Variants in ABCC5 observed in about 807,000 individuals in gnomAD.
The protein encoded by ABCC5 is ATP-binding cassette sub-family C member 5.
In ABCC5, 61 loss-of-function variants were observed where a neutral mutation model predicts 160.9. That is an observed-to-expected ratio of 0.38 (90% confidence interval 0.31 to 0.47). The LOEUF is 0.47. Ranked by LOEUF, ABCC5 falls within the 20% of genes least tolerant of loss-of-function variation. The pLI is 0.99. For synonymous variants in ABCC5, 666 were observed against 700.6 expected, an observed-to-expected ratio of 0.95 and a Z score of 0.78; for missense variants, 1,308 against 1,813.3, an observed-to-expected ratio of 0.72 and a Z score of 5.06.
In ABCC5 at chr3:183,971,547, G is replaced by A; in HGVS notation, c.1761+16C>T. ...TGGTGGGGTGCGGGCAGGGAGGCAG[G>A]GGGCGGACCACTTACCTCTTGGATC... is the stretch of plus-strand genomic sequence containing the variant. On this transcript the variant is annotated intron_variant, in intron 11 of 29. Transcript: ENST00000334444. The A allele has an allele frequency of 6.8e-6, 11 of 1,608,140 alleles. No homozygotes were observed. Among genetic ancestry groups the A allele is most frequent in the Non-Finnish European group, 9.3e-6 (11 of 1,178,112 alleles).
rs538145070 is a variant in ABCC5 at position 183,991,320 on chromosome 3, A to AAAAC, written c.130-1941_130-1938dup. On this transcript the variant is annotated intron_variant, in intron 2 of 29. Coordinates refer to ENST00000334444, the MANE Select transcript of ABCC5 (RefSeq NM_005688.4). ...TCTAAAAGAAGGAAAAAAAAAACAAAAAACAAACAAACAAACAAAAAAACA... is the reference window on the plus strand; with the variant it reads ...TCTAAAAGAAGGAAAAAAAAAACAAAAAACAAACAAACAAACAAACAAAAAAACA... 2.9e-3 allele frequency among the ~76,000 whole-genome samples: 445 copies of AAAAC among 152,152 alleles called. 2 individuals carry two copies. The highest frequency in any genetic ancestry group is 0.01 in the African/African-American group (420 of 41,496).
At chr3:184,012,313 T>C (rs74438590) in intron 2 of ABCC5, among the ~76,000 whole-genome samples, 1,712 of 152,280 alleles carry the variant, frequency 0.011, 28 homozygotes, top group Middle Eastern at 0.034. Flanking sequence ...TAGCATGGCA[T>C]GCAGAATTTC....
rs1050136848 is a variant in ABCC5, at chr3:183,971,746, C to T, written c.1578G>A (p.Lys526=). Residue 526 remains lysine, a synonymous_variant, in exon 11 of 30, where the codon AAG becomes AAA. Coordinates refer to ENST00000334444, the MANE Select transcript of ABCC5 (RefSeq NM_005688.4). ...GCTGCAGCTGCCTCACCTTCTCTTT[C>T]TTGCCCCTGGAAGCCCTCTTGTCTT... ...MKKDKRASRG[K]KEKVRQLQRT... 6.8e-6 allele frequency: 11 copies of T among 1,614,124 alleles called. No homozygotes were observed. Among genetic ancestry groups the T allele is most frequent in the South Asian group, 1.1e-5 (1 of 91,096 alleles).
At position 184,014,030 on chromosome 3, in the gene ABCC5, G is replaced by A. The variant is rs1414169898; in HGVS notation, c.129+234C>T. Among the ~76,000 whole-genome samples, 4 of 151,922 alleles carry A rather than the reference G, an allele frequency of 2.6e-5. No individual in the cohort carries two copies. The East Asian group carries it at 7.7e-4, about 29-fold the overall frequency. ...TGGGATTATAGGCGCCCGCCACCACGCCTGGCTAATTTTTGTACTTTTAGT... is the reference window on the plus strand; with the variant it reads ...TGGGATTATAGGCGCCCGCCACCACACCTGGCTAATTTTTGTACTTTTAGT... On this transcript the variant is annotated intron_variant, in intron 2 of 29. Transcript: ENST00000334444.
intron 5 of ABCC5, chr3:183,984,428 A>G: frequency 9.9e-7 from 1 of 1,007,832 alleles, no homozygotes. Context: ...TCAGAGCTGA[A>G]TGACAGACAA....
At chr3:183,937,648 C>T (rs1713868593) in intron 26 of ABCC5, among the ~76,000 whole-genome samples, 2 of 152,178 alleles carry the variant, frequency 1.3e-5, no homozygotes, top group Admixed American at 6.5e-5. Context: ...GGAGCAGAGC[C>T]CTGGGCCCAG....
intron 26 of ABCC5, among the ~76,000 whole-genome samples, chr3:183,931,872 T>C (rs1042295445): frequency 2.6e-5 from 4 of 152,232 alleles, no homozygotes; most frequent in Non-Finnish European, 5.9e-5. Flanking sequence ...AGCAAAGTTA[T>C]GCATCCACTT....
At chr3:184,015,912 T>C (rs997309563) in intron 1 of ABCC5, among the ~76,000 whole-genome samples, 5 of 152,212 alleles carry the variant, frequency 3.3e-5, no homozygotes, top group African/African-American at 1.2e-4. Flanking sequence ...AAGGGTTCCC[T>C]AGCTTAGCTG....
chr3:183,928,668 C>T, intron 27 of ABCC5, 79 bp downstream of exon 27: 4 of 1,323,286 alleles, frequency 3.0e-6, no homozygotes, highest in Non-Finnish European at 4.3e-6. Context: ...ACGGCCAGAG[C>T]AGACGGGGTG....
chr3:183,990,131 T>A (rs1237346512), intron 2 of ABCC5, among the ~76,000 whole-genome samples: 1 of 151,746 alleles, frequency 6.6e-6, no homozygotes, highest in Non-Finnish European at 1.5e-5. Flanking sequence ...ATTTTTGAGA[T>A]GGAGTCTCGC....
Position 183,988,067 on chromosome 3 carries a change from G to GA in ABCC5, c.444-151dup, listed in dbSNP as rs1175257677. Reference sequence around the variant, plus strand: ...TATGTACATAGTCTTCACCTTCTGGGAAAAAATACCCTTCCTAGGGAACTA... The same window carrying GA: ...TATGTACATAGTCTTCACCTTCTGGGAAAAAAATACCCTTCCTAGGGAACTA... On this transcript the variant is annotated intron_variant, in intron 4 of 29. Transcript: ENST00000334444. The surrounding 1 kb of genome is among the most constrained non-coding windows in gnomAD (Gnocchi z 4.4). The GA allele has an allele frequency of 2.4e-6, 2 of 845,060 alleles. No homozygotes were observed. Among genetic ancestry groups the GA allele is most frequent in the African/African-American group, 1.7e-5 (1 of 58,662 alleles). 52.3% of individuals were successfully genotyped at this position (845,060 alleles called of 1,614,324 possible).
At position 183,988,378 on chromosome 3, in the gene ABCC5, G is replaced by T. The variant is rs751981407; in HGVS notation, c.443+194C>A. 2.2e-4 allele frequency among the ~76,000 whole-genome samples: 33 copies of T among 152,208 alleles called. No homozygotes were observed. Among genetic ancestry groups the T allele is most frequent in the Non-Finnish European group, 3.7e-4 (25 of 68,032 alleles). Reference sequence around the variant, plus strand: ...AGCGGGGCTGAGAGAGAGAGAGAAAGCCCGTGGTTAAAACAGGATCAAAGG... The same window carrying T: ...AGCGGGGCTGAGAGAGAGAGAGAAATCCCGTGGTTAAAACAGGATCAAAGG... On this transcript the variant is annotated intron_variant, in intron 4 of 29. Coordinates refer to ENST00000334444, the MANE Select transcript of ABCC5 (RefSeq NM_005688.4). This position sits in a 1 kb window ranked among gnomAD's most constrained non-coding sequence, Gnocchi z 4.4.
In ABCC5 at chr3:183,982,715, G is replaced by C; in HGVS notation, c.825+59C>G. 6.2e-7 allele frequency: 1 copy of C among 1,608,276 alleles called. No homozygotes were observed. Among genetic ancestry groups the C allele is most frequent in the East Asian group, 2.2e-5 (1 of 44,818 alleles). Reference sequence around the variant, plus strand: ...ATAAAGGATAAGGCAGGGCCCTAGAGGAATGAACCTCAAGCTAGGAAGTTG... The same window carrying C: ...ATAAAGGATAAGGCAGGGCCCTAGACGAATGAACCTCAAGCTAGGAAGTTG... On this transcript the variant is annotated intron_variant, in intron 6 of 29. Coordinates refer to ENST00000334444, the MANE Select transcript of ABCC5 (RefSeq NM_005688.4). The surrounding 1 kb of genome is among the most constrained non-coding windows in gnomAD (Gnocchi z 5.2).
intron 9 of ABCC5, among the ~76,000 whole-genome samples, chr3:183,977,973 A>C (rs1461247926): frequency 6.6e-6 from 1 of 152,092 alleles, no homozygotes; most frequent in East Asian, 1.9e-4. Flanking sequence ...GGCTGGTCTC[A>C]AACTTCTGAC....
rs1718851760 is a variant in ABCC5, at chr3:183,982,689, G to GATA, written c.826-68_826-66dup. On this transcript the variant is annotated intron_variant, in intron 6 of 29. Transcript: ENST00000334444. This position sits in a 1 kb window ranked among gnomAD's most constrained non-coding sequence, Gnocchi z 5.2. ...CACGGTTCATTTGTCTCAGGAGGAAGATAAAGGATAAGGCAGGGCCCTAGA... is the reference window on the plus strand; with the variant it reads ...CACGGTTCATTTGTCTCAGGAGGAAGATAATAAAGGATAAGGCAGGGCCCTAGA... The GATA allele has an allele frequency of 5.0e-6, 8 of 1,607,972 alleles. No homozygotes were observed. Among genetic ancestry groups the GATA allele is most frequent in the Non-Finnish European group, 6.0e-6 (7 of 1,175,158 alleles).
intron 17 of ABCC5, among the ~76,000 whole-genome samples, chr3:183,959,216 C>T (rs975820075): frequency 3.3e-5 from 5 of 152,118 alleles, no homozygotes; most frequent in African/African-American, 9.7e-5. Context: ...GAAACAGGAT[C>T]AAGGGCTCTG....
chr3:184,009,730 CTTA>C (rs375457034), intron 2 of ABCC5, among the ~76,000 whole-genome samples: 17 of 152,238 alleles, frequency 1.1e-4, no homozygotes, highest in African/African-American at 3.9e-4. Flanking sequence ...AACCTATGGG[CTTA>C]TTGTTGTTGT....
chr3:183,956,183 C>T (rs1560003647), intron 17 of ABCC5, among the ~76,000 whole-genome samples: 3 of 142,132 alleles, frequency 2.1e-5, no homozygotes, highest in East Asian at 2.3e-4. Context: ...CATGCAGATC[C>T]GTGTGTAAAT....
At chr3:183,933,034 AGTAGGTGCCT>A (rs1480460227) in intron 26 of ABCC5, among the ~76,000 whole-genome samples, 2 of 151,964 alleles carry the variant, frequency 1.3e-5, no homozygotes, top group Non-Finnish European at 2.9e-5. Context: ...CAGGTGTGGT[AGTAGGTGCCT>A]GTAATCCCAG....
Sources: allele counts gnomAD v4.1 joint callset (sites outside exome capture counted in the v4.1 genomes callset), GRCh38; gene constraint gnomAD v4.1.1; non-coding constraint Gnocchi (gnomAD v3.1); transcripts MANE v1.5; gene names NCBI Gene and HGNC (gene_info 2026-07-23, HGNC 2026-07-21).